The following CCDC102B variants were observed in gnomAD, a reference collection of about 807,000 sequenced individuals.
CCDC102B encodes coiled-coil domain containing 102B.
Under a neutral mutation model 57.4 loss-of-function variants are expected in CCDC102B, and 75 were observed. The observed-to-expected ratio is 1.31, with a 90% CI of 1.08 to 1.58. The LOEUF (loss-of-function observed/expected upper bound fraction) is 1.58, where lower values mean the gene tolerates loss of function less well. Among genes scored for constraint, CCDC102B ranks in the 40% most tolerant of loss-of-function variants. The pLI, the probability that CCDC102B is intolerant of heterozygous loss-of-function variation, is 0.00. For missense variants in CCDC102B, 636 were observed against 582.6 expected (o/e 1.09, Z -0.94); for synonymous variants, 206 against 201.9 (o/e 1.02, Z -0.17).
chr18:68,858,854 A>T (rs1347296342), intron 4 of CCDC102B: 1 of 152,188 alleles, frequency 6.6e-6, no homozygotes, highest in African/African-American at 2.4e-5. Flanking sequence ...TGTCAAGAAG[A>T]TGGGAAAATA....
At chr18:68,825,598 G>T (rs1440620806) in intron 1 of CCDC102B, among the ~76,000 whole-genome samples, 1 of 152,066 alleles carries the variant, frequency 6.6e-6, no homozygotes, top group Non-Finnish European at 1.5e-5. Flanking sequence ...GCTGAGGCAG[G>T]AGAATCACTT....
At chr18:68,898,038 A>G (rs1179038050) in intron 6 of CCDC102B, among the ~76,000 whole-genome samples, 2 of 152,106 alleles carry the variant, frequency 1.3e-5, no homozygotes, top group African/African-American at 4.8e-5. Flanking sequence ...GCCAGTAGAT[A>G]TAGTTTATGC....
rs146776416 is a variant in CCDC102B at position 68,802,930 on chromosome 18, A to G, written c.-16+4749A>G. 4.6e-4 allele frequency among the ~76,000 whole-genome samples: 70 copies of G among 152,324 alleles called. 1 individual carries two copies. In the East Asian group the frequency reaches 0.014, roughly 29 times the overall value. ...CTATCCACTTTCCACGCTGTTTCAA[A>G]AGTATTTCTGGCCAAATAAATGTAA... On this transcript the variant is annotated intron_variant, in intron 1 of 7. Coordinates refer to ENST00000360242, the MANE Select transcript of CCDC102B (RefSeq NM_024781.3).
chr18:68,884,514 G>A (rs1481131671), intron 5 of CCDC102B, among the ~76,000 whole-genome samples: 1 of 151,472 alleles, frequency 6.6e-6, no homozygotes, highest in Non-Finnish European at 1.5e-5. Context: ...CAGGGACATT[G>A]TTGGGGATGA....
At position 68,738,130 on chromosome 18, in the gene CCDC102B, A is replaced by T. The variant is rs180889812; in HGVS notation, c.-67+21536A>T. On this transcript the variant is annotated intron_variant, in intron 2 of 3. Transcript: ENST00000578970. Reference sequence around the variant, plus strand: ...CTGTATCTACAAAGCCTACTTTATCACAGGTCATGGTTCTTGCATGCTGTG... The same window carrying T: ...CTGTATCTACAAAGCCTACTTTATCTCAGGTCATGGTTCTTGCATGCTGTG... 2.0e-5 allele frequency among the ~76,000 whole-genome samples: 3 copies of T among 152,200 alleles called. No homozygotes were observed. In the East Asian group the frequency reaches 5.8e-4, roughly 29 times the overall value.
chr18:68,816,856 G>A (rs186852807), intron 1 of CCDC102B, among the ~76,000 whole-genome samples: 36 of 152,268 alleles, frequency 2.4e-4, no homozygotes, highest in Admixed American at 8.5e-4. Context: ...ATGTCTAAAA[G>A]CAGCATTAAA....
At chr18:69,023,630 A>C (rs994996250) in intron 7 of CCDC102B, among the ~76,000 whole-genome samples, 1 of 152,046 alleles carries the variant, frequency 6.6e-6, no homozygotes, top group African/African-American at 2.4e-5. Context: ...TACTGTAATT[A>C]CAGGAGTTTG....
chr18:68,771,630 A>AGG (rs1432091025), intron 2 of CCDC102B, among the ~76,000 whole-genome samples: 1 of 152,198 alleles, frequency 6.6e-6, no homozygotes, highest in African/African-American at 2.4e-5. Context: ...AGGAGCGGTA[A>AGG]GGGCTAGAGA....
chr18:68,974,420 A>G (rs1040386791), intron 6 of CCDC102B, among the ~76,000 whole-genome samples: 1 of 152,044 alleles, frequency 6.6e-6, no homozygotes, highest in Non-Finnish European at 1.5e-5. Context: ...AAATTATTCA[A>G]TCTGAGGTAT....
intron 6 of CCDC102B, among the ~76,000 whole-genome samples, chr18:68,918,790 C>G (rs970829875): frequency 1.3e-5 from 2 of 151,958 alleles, no homozygotes; most frequent in African/African-American, 4.8e-5. Flanking sequence ...CATAGCAGTT[C>G]TAAAATTAAT....
At chr18:68,953,714 T>C (rs1301611812) in intron 6 of CCDC102B, among the ~76,000 whole-genome samples, 1 of 152,126 alleles carries the variant, frequency 6.6e-6, no homozygotes, top group Non-Finnish European at 1.5e-5. Flanking sequence ...CAATAAAATA[T>C]AATAAAACAA....
chr18:68,767,108 T>C (rs1344553898), intron 2 of CCDC102B, among the ~76,000 whole-genome samples: 1 of 152,238 alleles, frequency 6.6e-6, no homozygotes, highest in Non-Finnish European at 1.5e-5. Flanking sequence ...GTAAAATCCA[T>C]ACTAGGCTAA....
At chr18:69,053,990 C>A in intron 7 of CCDC102B, 40 bp from the exon 8 acceptor site, 1 of 1,518,192 alleles carries the variant, frequency 6.6e-7, no homozygotes, top group Non-Finnish European at 9.0e-7. Flanking sequence ...TACTATAGAA[C>A]ACTTGAACCT....
intron 6 of CCDC102B, among the ~76,000 whole-genome samples, chr18:69,006,819 A>AT (rs2051363695): frequency 6.6e-6 from 1 of 152,300 alleles, no homozygotes; most frequent in East Asian, 1.9e-4. Context: ...ATGGATCAAA[A>AT]TGTCAAATAA....
At chr18:69,029,012 G>A (rs1413900269) in intron 7 of CCDC102B, among the ~76,000 whole-genome samples, 1 of 152,016 alleles carries the variant, frequency 6.6e-6, no homozygotes, top group Admixed American at 6.6e-5. Context: ...GGAACTCCAA[G>A]TTTTATGCGT....
At chr18:69,015,604 T>C (rs913735045) in intron 7 of CCDC102B, among the ~76,000 whole-genome samples, 7 of 152,178 alleles carry the variant, frequency 4.6e-5, no homozygotes, top group South Asian at 2.1e-4. Flanking sequence ...GGTCAACATA[T>C]TTTAAATAAA....
chr18:68,952,466 G>A (rs2049725839), intron 6 of CCDC102B, among the ~76,000 whole-genome samples: 1 of 152,080 alleles, frequency 6.6e-6, no homozygotes, highest in Admixed American at 6.6e-5. Flanking sequence ...ATAGGTTATA[G>A]AGTAGATAAC....
intron 1 of CCDC102B, among the ~76,000 whole-genome samples, chr18:68,810,814 A>G (rs1374834858): frequency 2.0e-5 from 3 of 148,404 alleles, no homozygotes; most frequent in East Asian, 2.0e-4. Context: ...TACATTAGGT[A>G]TTTATCCTAA....
At chr18:69,017,793 T>A (rs1373763405) in intron 7 of CCDC102B, among the ~76,000 whole-genome samples, 1 of 152,140 alleles carries the variant, frequency 6.6e-6, no homozygotes, top group African/African-American at 2.4e-5. Context: ...ATCTCTTCAT[T>A]CCTTCCCTGC....
Sources: allele counts gnomAD v4.1 joint callset (sites outside exome capture counted in the v4.1 genomes callset), GRCh38; gene constraint gnomAD v4.1.1; transcripts MANE v1.5; gene names NCBI Gene and HGNC (gene_info 2026-07-23, HGNC 2026-07-21).